Variants in MYO5B observed in about 807,000 individuals in gnomAD.
MYO5B encodes the protein unconventional myosin-Vb.
A neutral mutation model predicts 229.3 loss-of-function variants in MYO5B; 143 were observed. The ratio of observed to expected loss-of-function variants is 0.62; its 90% CI spans 0.54 to 0.72. The LOEUF (loss-of-function observed/expected upper bound fraction) is 0.72, where lower values mean the gene tolerates loss of function less well. MYO5B is among the 30% of genes least tolerant of loss of function. The pLI is 0.00. For synonymous variants in MYO5B, 918 were observed against 885.2 expected, an observed-to-expected ratio of 1.04 and a Z score of -0.66; for missense variants, 2,321 against 2,331.0, an observed-to-expected ratio of 1.00 and a Z score of 0.09.
chr18:49,991,837 T>C (rs2025936976), intron 6 of MYO5B, among the ~76,000 whole-genome samples: 1 of 151,952 alleles, frequency 6.6e-6, no homozygotes, highest in African/African-American at 2.4e-5. Flanking sequence ...TTTTAAAAAA[T>C]GGGACATCCA....
At position 49,929,614 on chromosome 18, in the gene MYO5B, A is replaced by G. The variant is rs756937740; in HGVS notation, c.2004-16T>C. 549 of 1,451,996 alleles carry G rather than the reference A, an allele frequency of 3.8e-4. No homozygotes were observed. The highest frequency in any genetic ancestry group is 7.1e-4 in the East Asian group (28 of 39,284). 89.9% of individuals were successfully genotyped at this position (1,451,996 alleles called of 1,614,324 possible). A position where few individuals can be genotyped will look rare whatever the true frequency, so the allele number is the denominator to read the frequency against. On this transcript the variant is annotated splice_polypyrimidine_tract_variant and intron_variant, in intron 16 of 39. Coordinates refer to ENST00000285039, the MANE Select transcript of MYO5B (RefSeq NM_001080467.3). ...TGGGTCAAAGCTGCCAAAGGAGAAA[A>G]AAAAAAAAAAAAGCAAGACAAGAGA...
At chr18:49,866,225 C>T (rs368737655) in intron 27 of MYO5B, among the ~76,000 whole-genome samples, 52 of 151,986 alleles carry the variant, frequency 3.4e-4, no homozygotes, top group East Asian at 5.8e-4. Context: ...CCCACCACCA[C>T]GCCTGGCTAA....
At chr18:49,837,159 G>A (rs925131856) in intron 37 of MYO5B, among the ~76,000 whole-genome samples, 2 of 152,174 alleles carry the variant, frequency 1.3e-5, no homozygotes, top group Non-Finnish European at 2.9e-5. Flanking sequence ...ATACTGAATT[G>A]TAAGTATTTA....
intron 1 of MYO5B, among the ~76,000 whole-genome samples, chr18:50,102,435 C>T (rs956340976): frequency 2.0e-5 from 3 of 152,130 alleles, no homozygotes; most frequent in Middle Eastern, 3.4e-3. Context: ...AGCAGGAATA[C>T]GATCCAGGTG....
In MYO5B at chr18:49,974,518, G is replaced by A. The variant is rs200796610; in HGVS notation, c.1154C>T (p.Ser385Leu). Residue 385 changes from serine to leucine, a missense_variant, in exon 10 of 40, where the codon TCG becomes TTG. Transcript: ENST00000285039. The part of the protein sequence containing the change: ...WLCHRKLVTT[S>L]ETYVKTMSLQ... ...GGACATGGTCTTGACGTAGGTCTCC[G>A]AGGTGGTGACCAGCTTGCGATGACA... 284 of 1,614,164 alleles carry A rather than the reference G, an allele frequency of 1.8e-4. No individual in the cohort carries two copies. The African/African-American group carries it at 3.3e-3, about 19-fold the overall frequency.
At chr18:49,912,253 T>C (rs1396250110) in intron 17 of MYO5B, 80 bp from the exon 18 acceptor site, 1 of 1,017,884 alleles carries the variant, frequency 9.8e-7, no homozygotes, top group African/African-American at 1.6e-5. Context: ...CTCAGACAGT[T>C]CCCTATGGGG....
At chr18:49,891,323 C>T (rs181801211) in intron 22 of MYO5B, among the ~76,000 whole-genome samples, 1 of 152,184 alleles carries the variant, frequency 6.6e-6, no homozygotes, top group African/African-American at 2.4e-5. Flanking sequence ...CTCAGGCCCC[C>T]ACAGGTCACC....
chr18:50,131,060 G>A (rs141805643), intron 1 of MYO5B, among the ~76,000 whole-genome samples: 41 of 152,286 alleles, frequency 2.7e-4, no homozygotes, highest in Non-Finnish European at 1.6e-4. Flanking sequence ...CTGATGAACA[G>A]GAATCAAGTT....
intron 1 of MYO5B, among the ~76,000 whole-genome samples, chr18:50,146,789 G>C (rs1487545771): frequency 6.6e-6 from 1 of 152,122 alleles, no homozygotes; most frequent in Non-Finnish European, 1.5e-5. Flanking sequence ...AATCCATTTG[G>C]GTAAAAATAA....
chr18:50,165,980 AG>A (rs1285337802), intron 1 of MYO5B, among the ~76,000 whole-genome samples: 1 of 152,188 alleles, frequency 6.6e-6, no homozygotes, highest in Admixed American at 6.5e-5. Context: ...TTCCACCTCA[AG>A]GTTTGGATGG....
At chr18:49,907,588 G>A (rs572232046) in intron 18 of MYO5B, among the ~76,000 whole-genome samples, 1 of 152,222 alleles carries the variant, frequency 6.6e-6, no homozygotes, top group Non-Finnish European at 1.5e-5. Flanking sequence ...AATGAGAAAG[G>A]AAGGAATGAG....
intron 23 of MYO5B, chr18:49,879,550 A>C (rs1451917712): frequency 9.3e-6 from 2 of 216,042 alleles, no homozygotes; most frequent in Non-Finnish European, 1.9e-5. Context: ...GCCAAAACTT[A>C]TTCACATTAA....
chr18:49,831,784 T>A (rs940861330), intron 39 of MYO5B, among the ~76,000 whole-genome samples: 1 of 152,200 alleles, frequency 6.6e-6, no homozygotes. Flanking sequence ...GAAAAATTGA[T>A]CTCAGCTCCT....
intron 2 of MYO5B, among the ~76,000 whole-genome samples, chr18:50,046,985 C>A (rs935386936): frequency 6.6e-6 from 1 of 152,014 alleles, no homozygotes; most frequent in African/African-American, 2.4e-5. Context: ...CCATAAAAAC[C>A]CTAGAAGAAA....
chr18:50,138,968 C>T lies in MYO5B; in HGVS notation c.27+55799G>A, dbSNP rs554677062. 2.2e-4 allele frequency among the ~76,000 whole-genome samples: 34 copies of T among 152,274 alleles called. 1 individual carries two copies. The South Asian group carries it at 7.1e-3, about 32-fold the overall frequency. ...TCTCTCACCCTCAACATCTGCCTCT[C>T]TTCCCATTTTCCCAGGACCCTGTTC... On this transcript the variant is annotated intron_variant, in intron 1 of 39. Coordinates refer to ENST00000285039, the MANE Select transcript of MYO5B (RefSeq NM_001080467.3).
chr18:50,148,912 A>C (rs1232084844), intron 1 of MYO5B, among the ~76,000 whole-genome samples: 31 of 152,260 alleles, frequency 2.0e-4, no homozygotes, highest in Admixed American at 2.0e-3. Context: ...TTGCAGATGA[A>C]ATGATTGTAT....
At position 49,837,661 on chromosome 18, in the gene MYO5B, T is replaced by C. The variant is rs2024005729; in HGVS notation, c.4994A>G (p.His1665Arg). ...EAIIRQMNAF[H>R]TVMCDQGLDP... The stretch of plus-strand genomic sequence containing the variant: ...CAAGCCCTGGTCACACATGACTGTA[T>C]GAAAGGCATTCATCTGGCGGATGAT... Residue 1665 changes from histidine to arginine, a missense_variant, in exon 37 of 40, where the codon CAT (histidine) becomes CGT (arginine). By Grantham distance (29) the His-to-Arg change is conservative. This residue lies in a region of MYO5B where 208 missense variants were observed against 286.3 expected (regional missense o/e 0.73). Transcript: ENST00000285039. The C allele has an allele frequency of 6.2e-7, 1 of 1,614,078 alleles. No individual in the cohort carries two copies. Among genetic ancestry groups the C allele is most frequent in the Non-Finnish European group, 8.5e-7 (1 of 1,179,910 alleles).
intron 4 of MYO5B, among the ~76,000 whole-genome samples, chr18:50,001,656 G>A (rs533452220): frequency 2.0e-5 from 3 of 152,298 alleles, no homozygotes; most frequent in East Asian, 1.9e-4. Flanking sequence ...CGAGAGTGGT[G>A]CAGACAACTG....
Position 50,028,610 on chromosome 18 carries a change from T to C in MYO5B, c.455+8240A>G, listed in dbSNP as rs190206165. Reference sequence around the variant, plus strand: ...GCTCAGATCCATGCCTGAAGGCAAATAGAGACTCAGTAAACTGCTGTGTGA... The same window carrying C: ...GCTCAGATCCATGCCTGAAGGCAAACAGAGACTCAGTAAACTGCTGTGTGA... On this transcript the variant is annotated intron_variant, in intron 4 of 39. Coordinates refer to ENST00000285039, the MANE Select transcript of MYO5B (RefSeq NM_001080467.3). Among the ~76,000 whole-genome samples the C allele has an allele frequency of 5.7e-3, 874 of 152,246 alleles. 7 individuals carry two copies. Among genetic ancestry groups the C allele is most frequent in the African/African-American group, 0.02 (818 of 41,540 alleles).
Sources: allele counts gnomAD v4.1 joint callset (sites outside exome capture counted in the v4.1 genomes callset), GRCh38; gene constraint gnomAD v4.1.1; regional missense constraint gnomAD v4.1.1; transcripts MANE v1.5; gene names NCBI Gene and HGNC (gene_info 2026-07-23, HGNC 2026-07-21).